The following GLIS3 variants were observed in gnomAD, a reference collection of about 807,000 sequenced individuals.
The protein encoded by GLIS3 is GLIS family zinc finger 3.
Under a neutral mutation model 78.6 loss-of-function variants are expected in GLIS3, and 53 were observed. The ratio of observed to expected loss-of-function variants is 0.67; its 90% confidence interval spans 0.54 to 0.85. The LOEUF (loss-of-function observed/expected upper bound fraction) is 0.85. Among genes scored for constraint, GLIS3 ranks in the 40% least tolerant of loss-of-function variants. The pLI, the probability that GLIS3 is intolerant of heterozygous loss-of-function variation, is 0.00. For missense variants in GLIS3, 1,703 were observed against 1,231.1 expected (o/e 1.38, Z -5.74); for synonymous variants, 684 against 509.9 (o/e 1.34, Z -4.60).
chr9:4,381,557 AAC>A, the GLIS3 span, among the ~76,000 whole-genome samples: 1 of 152,208 alleles, frequency 6.6e-6, no homozygotes, highest in African/African-American at 2.4e-5. Flanking sequence ...TGATTTTATG[AAC>A]ACAGCACTCA....
chr9:4,019,859 C>A (rs1588465721), intron 4 of GLIS3, among the ~76,000 whole-genome samples: 1 of 152,132 alleles, frequency 6.6e-6, no homozygotes, highest in Non-Finnish European at 1.5e-5. Context: ...CAGGCCACCA[C>A]GAGTCCCCCA....
intron 2 of GLIS3, among the ~76,000 whole-genome samples, chr9:4,129,643 C>CT (rs1832824236): frequency 6.6e-6 from 1 of 152,202 alleles, no homozygotes; most frequent in Non-Finnish European, 1.5e-5. Context: ...TCCCCAGAAG[C>CT]TTCTATGCTT....
chr9:4,431,200 C>T, the GLIS3 span, among the ~76,000 whole-genome samples: 120 of 152,314 alleles, frequency 7.9e-4, no homozygotes, highest in African/African-American at 2.8e-3. Context: ...CCCTTATCCT[C>T]TTCTAATTTT....
intron 2 of GLIS3, among the ~76,000 whole-genome samples, chr9:4,228,094 G>A (rs1411247273): frequency 1.3e-5 from 2 of 150,002 alleles, no homozygotes; most frequent in African/African-American, 4.9e-5. Flanking sequence ...GAATCACACA[G>A]TTATCAAGTG....
chr9:3,835,721 G>A (rs1257310297), intron 9 of GLIS3, among the ~76,000 whole-genome samples: 2 of 152,210 alleles, frequency 1.3e-5, no homozygotes, highest in African/African-American at 4.8e-5. Context: ...TGCTGGGCAT[G>A]TGCCTGACAC....
chr9:4,397,420 T>C, the GLIS3 span, among the ~76,000 whole-genome samples: 1 of 151,794 alleles, frequency 6.6e-6, no homozygotes, highest in African/African-American at 2.4e-5. Context: ...TGTTCTTTGC[T>C]TCAATTACTG....
rs750454441 is a variant in GLIS3 at position 3,965,188 on chromosome 9, C to CTTTTTTTTTTTTTTTT, written c.1711-28000_1711-27999insAAAAAAAAAAAAAAAA. ...TACTTCTTTTCTATTTCTTTCTTTT[C>CTTTTTTTTTTTTTTTT]TTTTCTTTTTTTTTTTTTTTTTTTG... is the stretch of plus-strand genomic sequence containing the variant. On this transcript the variant is annotated intron_variant, in intron 4 of 10. Transcript: ENST00000381971. Among the ~76,000 whole-genome samples the CTTTTTTTTTTTTTTTT allele has an allele frequency of 3.3e-4, 33 of 99,002 alleles. 1 individual carries two copies. The highest frequency in any genetic ancestry group is 9.1e-4 in the East Asian group (3 of 3,290). The allele number at this position is 99,002 out of a possible 152,430, so 64.9% of individuals were successfully genotyped here. A position where few individuals can be genotyped will look rare whatever the true frequency, so the allele number is the denominator to read the frequency against.
intron 2 of GLIS3, among the ~76,000 whole-genome samples, chr9:4,146,102 C>T (rs1834203914): frequency 6.6e-6 from 1 of 152,198 alleles, no homozygotes; most frequent in South Asian, 2.1e-4. Context: ...TAATTATTGA[C>T]CTGATTTTGT....
chr9:4,050,407 T>C, intron 4 of GLIS3, among the ~76,000 whole-genome samples: 1 of 152,004 alleles, frequency 6.6e-6, no homozygotes, highest in Non-Finnish European at 1.5e-5. Context: ...TGAGAACACT[T>C]GTACACAGGG....
intron 2 of GLIS3, among the ~76,000 whole-genome samples, chr9:4,166,307 C>T (rs1375627523): frequency 6.6e-6 from 1 of 152,096 alleles, no homozygotes; most frequent in African/African-American, 2.4e-5. Context: ...TCCCAGGATA[C>T]ACTTTGATAC....
the GLIS3 span, among the ~76,000 whole-genome samples, chr9:4,383,615 A>C: frequency 8.3e-3 from 339 of 40,830 alleles, 1 homozygote; most frequent in African/African-American, 0.021. Context: ...CTCTGGATGC[A>C]GAAAAAAATC....
At chr9:4,276,700 C>T (rs1210183269) in intron 2 of GLIS3, among the ~76,000 whole-genome samples, 1 of 152,060 alleles carries the variant, frequency 6.6e-6, no homozygotes, top group Non-Finnish European at 1.5e-5. Context: ...AAGACTGAAA[C>T]CCCCTTTTAT....
intron 2 of GLIS3, among the ~76,000 whole-genome samples, chr9:4,343,734 T>TA (rs1468162585): frequency 1.3e-5 from 2 of 152,106 alleles, no homozygotes; most frequent in African/African-American, 2.4e-5. Flanking sequence ...TATGCAGCCA[T>TA]AAAAAAACAA....
intron 6 of GLIS3, among the ~76,000 whole-genome samples, chr9:3,899,555 T>G (rs974884589): frequency 2.0e-4 from 31 of 152,180 alleles, no homozygotes; most frequent in African/African-American, 7.5e-4. Context: ...TTTAGTGACA[T>G]AAAAATATTA....
At chr9:3,865,402 C>G (rs570420035) in intron 8 of GLIS3, among the ~76,000 whole-genome samples, 1 of 152,306 alleles carries the variant, frequency 6.6e-6, no homozygotes, top group East Asian at 1.9e-4. Flanking sequence ...CTTTGACCAG[C>G]CTATTCTATG....
chr9:4,271,749 G>A (rs1427046954), intron 2 of GLIS3, among the ~76,000 whole-genome samples: 1 of 152,126 alleles, frequency 6.6e-6, no homozygotes, highest in Non-Finnish European at 1.5e-5. Flanking sequence ...ATGCATTGCA[G>A]TAGAAAGCAC....
chr9:3,972,371 A>G (rs1485678123), intron 4 of GLIS3, among the ~76,000 whole-genome samples: 3 of 152,182 alleles, frequency 2.0e-5, no homozygotes, highest in African/African-American at 7.2e-5. Context: ...TCTGGATCCT[A>G]TAAATGGGAG....
intron 2 of GLIS3, among the ~76,000 whole-genome samples, chr9:4,191,569 A>T (rs1332764388): frequency 6.6e-6 from 1 of 152,226 alleles, no homozygotes; most frequent in Non-Finnish European, 1.5e-5. Flanking sequence ...ACCATGTCTT[A>T]TTCTTCCTCT....
rs1260116051 is a variant in GLIS3, at chr9:4,022,559, C to A, written c.1711-85370G>T. 2.0e-5 allele frequency among the ~76,000 whole-genome samples: 3 copies of A among 152,202 alleles called. No homozygotes were observed. The East Asian group carries it at 5.8e-4, about 29-fold the overall frequency. On this transcript the variant is annotated intron_variant, in intron 4 of 10. Coordinates refer to ENST00000381971, the MANE Select transcript of GLIS3 (RefSeq NM_001042413.2). ...AACATAAGCCTACCCTATGACCCAG[C>A]CATCTCATTCCTAGTAATTTGCCCC...
Sources: gnomAD v4.1 joint callset for allele counts (sites outside exome capture counted in the v4.1 genomes callset) on GRCh38, gnomAD v4.1.1 for gene constraint, MANE v1.5 for transcripts, NCBI Gene and HGNC (gene_info 2026-07-23, HGNC 2026-07-21) for gene names.